COL6A6: variants seen among roughly 807,000 people sequenced by gnomAD.
COL6A6 encodes collagen alpha-6(VI) chain.
Under a neutral mutation model 208.6 loss-of-function variants are expected in COL6A6, and 183 were observed. That is an observed-to-expected ratio of 0.88 (90% CI 0.78 to 0.99). The LOEUF (loss-of-function observed/expected upper bound fraction) is 0.99. COL6A6 is among the 50% of genes least tolerant of loss of function. COL6A6 has a pLI of 0.00. For missense variants in COL6A6, 2,816 were observed against 2,815.2 expected (o/e 1.00, Z -0.01); for synonymous variants, 973 against 1,011.8 (o/e 0.96, Z 0.73).
At chr3:130,644,908 A>C in intron 31 of COL6A6, 83 bp from the exon 32 acceptor site, 1 of 1,304,088 alleles carries the variant, frequency 7.7e-7, no homozygotes, top group Non-Finnish European at 1.1e-6. Flanking sequence ...AGCAGACAGG[A>C]TAGAACCTTT....
chr3:130,604,441 G>A (rs555009048), intron 20 of COL6A6, among the ~76,000 whole-genome samples: 16 of 150,396 alleles, frequency 1.1e-4, no homozygotes, highest in African/African-American at 3.7e-4. Flanking sequence ...CTTGCAGTGA[G>A]CCGAAATCGC....
intron 30 of COL6A6, 55 bp downstream of exon 30, chr3:130,642,922 AT>A: frequency 6.2e-7 from 1 of 1,613,162 alleles, no homozygotes; most frequent in East Asian, 2.2e-5. Context: ...CAATTTACTT[AT>A]TTTTAAACCT....
At chr3:130,612,579 G>A (rs1178848477) in intron 23 of COL6A6, among the ~76,000 whole-genome samples, 1 of 152,176 alleles carries the variant, frequency 6.6e-6, no homozygotes, top group East Asian at 1.9e-4. Flanking sequence ...ATAAGTGTTT[G>A]TTGTGCTTCT....
Position 130,645,011 on chromosome 3 carries a change from T to A in COL6A6, c.5239+9T>A, listed in dbSNP as rs1284876342. The A allele has an allele frequency of 6.2e-7, 1 of 1,611,254 alleles. No homozygotes were observed. The highest frequency in any genetic ancestry group is 1.7e-5 in the Admixed American group (1 of 60,026). On this transcript the variant is annotated intron_variant, in intron 32 of 36. Transcript: ENST00000358511. ...CCCAGCTGGCAGGCATGGTGAGTAA[T>A]CTTTATTTACAGCATGCTTTAATCA...
chr3:130,583,506 C>T (rs910314848), intron 10 of COL6A6, among the ~76,000 whole-genome samples: 1 of 152,212 alleles, frequency 6.6e-6, no homozygotes, highest in East Asian at 1.9e-4. Context: ...ATTCTAAGAC[C>T]AAGTATCTTT....
chr3:130,571,429 G>C, intron 7 of COL6A6, 36 bp downstream of exon 7: 1 of 1,451,704 alleles, frequency 6.9e-7, no homozygotes, highest in Middle Eastern at 1.9e-4. Flanking sequence ...CTAATTATTA[G>C]CAGAGGGACA....
intron 33 of COL6A6, 66 bp from the exon 34 acceptor site, chr3:130,658,610 T>A: frequency 1.0e-6 from 1 of 1,004,508 alleles, no homozygotes; most frequent in South Asian, 1.4e-5. Context: ...CAGTTCTCTA[T>A]GTAGTCCTAA....
intron 1 of COL6A6, among the ~76,000 whole-genome samples, chr3:130,525,056 C>T (rs2061932563): frequency 6.6e-6 from 1 of 152,338 alleles, no homozygotes; most frequent in Admixed American, 6.5e-5. Context: ...ATCCTTACAA[C>T]AACCCATTAT....
At position 130,566,908 on chromosome 3, in the gene COL6A6, C is replaced by T; in HGVS notation, c.1489C>T (p.Gln497Ter). The T allele has an allele frequency of 1.2e-6, 2 of 1,613,878 alleles. No individual in the cohort carries two copies. Among genetic ancestry groups the T allele is most frequent in the Non-Finnish European group, 1.7e-6 (2 of 1,179,822 alleles). ...TGAGATCAATAAATACTCCAACAAG[C>T]AGGATTTGGGAAAGGCCATTGAGAA... ...EFEINKYSNK[Q>*]DLGKAIENIR... Residue 497 changes from glutamine (Q) to a stop codon, truncating the protein, a stop_gained, in exon 5 of 37, where the codon CAG becomes TAG. Coordinates refer to ENST00000358511, the MANE Select transcript of COL6A6 (RefSeq NM_001102608.3). LOFTEE classifies it high-confidence loss of function.
At position 130,574,086 on chromosome 3, in the gene COL6A6, AG is replaced by A. The variant is rs2063234267; in HGVS notation, c.3109del (p.Val1037CysfsTer3). On this transcript the variant is annotated frameshift_variant, in exon 8 of 37. Coordinates refer to ENST00000358511, the MANE Select transcript of COL6A6 (RefSeq NM_001102608.3). LOFTEE classifies it high-confidence loss of function. ...AAGACTTTGATGTCAGCCTCAACAG[AG>A]TGCGAATAGGAGCGGCCCAGTTTAG... ...VQDFDVSLNR[V>X]RIGAAQFSDT... 1 of 1,613,902 alleles carries A rather than the reference AG, an allele frequency of 6.2e-7. No individual in the cohort carries two copies. Among genetic ancestry groups the A allele is most frequent in the South Asian group, 1.1e-5 (1 of 91,094 alleles).
chr3:130,570,443 A>G (rs2063135294), intron 6 of COL6A6, among the ~76,000 whole-genome samples: 1 of 152,252 alleles, frequency 6.6e-6, no homozygotes, highest in Non-Finnish European at 1.5e-5. Flanking sequence ...AAAGAAAAAA[A>G]TTGTATAAAT....
chr3:130,567,129 C>T lies in COL6A6; in HGVS notation c.1710C>T (p.Ile570=), dbSNP rs373317743. The T allele has an allele frequency of 4.0e-5, 65 of 1,613,810 alleles. No individual in the cohort carries two copies. In the African/African-American group the frequency reaches 4.5e-4, roughly 11 times the overall value. Residue 570 remains isoleucine, a synonymous_variant, in exon 5 of 37, where the codon ATC becomes ATT. Transcript: ENST00000358511. ...AAGAGCACATCCGAGTTTATGCTAT[C>T]GGGATCAAGGAGGCCAACCAAACAC... ...LREEHIRVYA[I]GIKEANQTQL...
intron 34 of COL6A6, among the ~76,000 whole-genome samples, chr3:130,659,588 T>C (rs2065887625): frequency 6.6e-6 from 1 of 152,238 alleles, no homozygotes. Context: ...ACATTTAAAC[T>C]ACTATTAGTT....
At position 130,569,108 on chromosome 3, in the gene COL6A6, A is replaced by C. The variant is rs370920861; in HGVS notation, c.2401+504A>C. ...GTGTACCCTGTGTCACGTGGGCTAC[A>C]TGTGGGTTGCTGAGGCAGCCCTGGC... On this transcript the variant is annotated intron_variant, in intron 6 of 36. Coordinates refer to ENST00000358511, the MANE Select transcript of COL6A6 (RefSeq NM_001102608.3). Among the ~76,000 whole-genome samples the C allele has an allele frequency of 6.6e-5, 10 of 152,294 alleles. No individual in the cohort carries two copies. In the East Asian group the frequency reaches 1.7e-3, roughly 26 times the overall value.
At chr3:130,602,302 C>T (rs4426655) in intron 20 of COL6A6, among the ~76,000 whole-genome samples, 5,440 of 152,250 alleles carry the variant, frequency 0.036, 297 homozygotes, top group African/African-American at 0.11. Context: ...AAGCCACCAG[C>T]CCTGTTCCAG....
In COL6A6 at chr3:130,565,313, G is replaced by A. The variant is rs755530445; in HGVS notation, c.981G>A (p.Arg327=). The change falls in exon 4 of 37, where the codon CGG becomes CGA. Residue 327 remains arginine (R), a synonymous_variant. Transcript: ENST00000358511. ...KEVFSARNGS[R]KNQGVPQIAV... ...TTTTTAGTGCACGGAATGGCAGTCG[G>A]AAGAATCAGGGGGTGCCCCAGATTG... 4 of 1,613,856 alleles carry A rather than the reference G, an allele frequency of 2.5e-6. No homozygotes were observed. In the African/African-American group the frequency reaches 5.3e-5, roughly 22 times the overall value.
chr3:130,547,091 G>A (rs897905104), intron 1 of COL6A6, among the ~76,000 whole-genome samples: 8 of 152,270 alleles, frequency 5.3e-5, no homozygotes, highest in African/African-American at 1.2e-4. Flanking sequence ...GGCGGTTGAT[G>A]CGACCTGGCG....
intron 35 of COL6A6, among the ~76,000 whole-genome samples, chr3:130,663,187 ATCAG>A (rs1337558729): frequency 6.6e-6 from 1 of 152,176 alleles, no homozygotes; most frequent in Non-Finnish European, 1.5e-5. Context: ...ACACAGACTT[ATCAG>A]TCAGTGTAGG....
At position 130,586,665 on chromosome 3, in the gene COL6A6, G is replaced by A. The variant is rs775295688; in HGVS notation, c.4125+5G>A. ...AGCCGGCTGTCAAAGCAGCTGGTAA[G>A]TTATTCTGAAAAGGCTGGTGAGCTT... On this transcript the variant is annotated splice_donor_5th_base_variant and intron_variant, in intron 11 of 36. Transcript: ENST00000358511. 3 of 1,610,430 alleles carry A rather than the reference G, an allele frequency of 1.9e-6. No individual in the cohort carries two copies. The East Asian group carries it at 6.7e-5, about 36-fold the overall frequency.
Sources: gnomAD v4.1 joint callset for allele counts (sites outside exome capture counted in the v4.1 genomes callset) on GRCh38, gnomAD v4.1.1 for gene constraint, MANE v1.5 for transcripts, NCBI Gene and HGNC (gene_info 2026-07-23, HGNC 2026-07-21) for gene names.